SLC6A11: variants seen among roughly 807,000 people sequenced by gnomAD.
The protein encoded by SLC6A11 is sodium- and chloride-dependent GABA transporter 3.
A neutral mutation model predicts 74.8 loss-of-function variants in SLC6A11; 25 were observed. The ratio of observed to expected loss-of-function variants is 0.33; its 90% CI spans 0.24 to 0.47. The LOEUF is 0.47. Ranked by LOEUF, SLC6A11 falls within the 20% of genes least tolerant of loss-of-function variation. The pLI, the probability that SLC6A11 is intolerant of heterozygous loss-of-function variation, is 1.00. For missense variants in SLC6A11, 574 were observed against 837.0 expected, an observed-to-expected ratio of 0.69 and a Z score of 3.88; for synonymous variants, 330 against 330.2, an observed-to-expected ratio of 1.00 and a Z score of 0.01.
chr3:10,818,248 G>GTGT (rs77854334), intron 1 of SLC6A11, among the ~76,000 whole-genome samples: 10,610 of 152,074 alleles, frequency 0.07, 467 homozygotes, highest in African/African-American at 0.12. Flanking sequence ...CTTTCTGAAA[G>GTGT]TGTCATACGT....
At chr3:10,900,067 G>T (rs867026637) in intron 6 of SLC6A11, among the ~76,000 whole-genome samples, 9 of 151,896 alleles carry the variant, frequency 5.9e-5, no homozygotes, top group African/African-American at 1.9e-4. Context: ...GGGCAGAAAT[G>T]GGGGTTGGAT....
chr3:10,885,601 A>C (rs1298651228), intron 6 of SLC6A11, among the ~76,000 whole-genome samples: 3 of 138,310 alleles, frequency 2.2e-5, no homozygotes, highest in African/African-American at 9.6e-5. Context: ...CCATGATAAA[A>C]AAAAAAAAAA....
Position 10,915,945 on chromosome 3 carries a change from C to T in SLC6A11, c.996-2384C>T, listed in dbSNP as rs1227032130. On this transcript the variant is annotated intron_variant, in intron 7 of 13. Coordinates refer to ENST00000254488, the MANE Select transcript of SLC6A11 (RefSeq NM_014229.3). This position sits in a 1 kb window ranked among gnomAD's most constrained non-coding sequence, Gnocchi z 4.3. Reference sequence around the variant, plus strand: ...ATTTTTGTTTAGCTCCTAGCAAAAGCATGGGCTTTGATCTATGTGACTCAT... The same window carrying T: ...ATTTTTGTTTAGCTCCTAGCAAAAGTATGGGCTTTGATCTATGTGACTCAT... Among the ~76,000 whole-genome samples, 2 of 152,196 alleles carry T rather than the reference C, an allele frequency of 1.3e-5. No individual in the cohort carries two copies. The highest frequency in any genetic ancestry group is 6.5e-5 in the Admixed American group (1 of 15,272).
At chr3:10,910,817 GA>G (rs1174118744) in intron 6 of SLC6A11, among the ~76,000 whole-genome samples, 3 of 119,986 alleles carry the variant, frequency 2.5e-5, no homozygotes, top group African/African-American at 9.4e-5. Context: ...GGGTTGCTGT[GA>G]ATTTTTTTTT....
At chr3:10,900,026 A>G (rs2106619860) in intron 6 of SLC6A11, among the ~76,000 whole-genome samples, 1 of 152,336 alleles carries the variant, frequency 6.6e-6, no homozygotes, top group Non-Finnish European at 1.5e-5. Flanking sequence ...AAGGCAGAAG[A>G]GTGCTGTGAT....
intron 5 of SLC6A11, among the ~76,000 whole-genome samples, chr3:10,863,598 A>AC (rs559291233): frequency 6.6e-6 from 1 of 152,178 alleles, no homozygotes; most frequent in Non-Finnish European, 1.5e-5. Flanking sequence ...GCAGGCTGTG[A>AC]CAGGAGTGTT....
Position 10,873,384 on chromosome 3 carries a change from T to TTTATCCTATCCTATCCTATC in SLC6A11, c.757-1577_757-1576insTTATCCTATCCTATCCTATC, listed in dbSNP as rs1553671098. On this transcript the variant is annotated intron_variant, in intron 5 of 13. Coordinates refer to ENST00000254488, the MANE Select transcript of SLC6A11 (RefSeq NM_014229.3). ...CCTCCCCTATGCTCACCTTCATTATTGTATCCTATCCTATGCTATCCTATC... is the reference window on the plus strand; with the variant it reads ...CCTCCCCTATGCTCACCTTCATTATTTTATCCTATCCTATCCTATCGTATCCTATCCTATGCTATCCTATC... Among the ~76,000 whole-genome samples, 29 of 90,614 alleles carry TTTATCCTATCCTATCCTATC rather than the reference T, an allele frequency of 3.2e-4. 4 individuals carry two copies. Among genetic ancestry groups the TTTATCCTATCCTATCCTATC allele is most frequent in the South Asian group, 2.7e-3 (7 of 2,548 alleles). 59.4% of individuals were successfully genotyped at this position (90,614 alleles called of 152,430 possible). A position where few individuals can be genotyped will look rare whatever the true frequency, so the allele number is the denominator to read the frequency against.
At chr3:10,844,423 G>T in intron 5 of SLC6A11, 77 bp downstream of exon 5, 1 of 1,574,428 alleles carries the variant, frequency 6.4e-7, no homozygotes, top group African/African-American at 1.3e-5. Flanking sequence ...GAGTAACAGG[G>T]AGTTCATGTT....
At chr3:10,870,354 T>C (rs1157485588) in intron 5 of SLC6A11, among the ~76,000 whole-genome samples, 1 of 152,210 alleles carries the variant, frequency 6.6e-6, no homozygotes, top group Non-Finnish European at 1.5e-5. Flanking sequence ...AAATGAAACA[T>C]GGACTAGACC....
In SLC6A11 at chr3:10,862,774, C is replaced by A. The variant is rs191814844; in HGVS notation, c.757-12187C>A. Among the ~76,000 whole-genome samples, 649 of 152,330 alleles carry A rather than the reference C, an allele frequency of 4.3e-3. 7 individuals carry two copies. Among genetic ancestry groups the A allele is most frequent in the South Asian group, 8.5e-3 (41 of 4,820 alleles). Reference sequence around the variant, plus strand: ...AGCTGCTCACACCACTGTGCATATGCCTGAGGCCCTCTGCTGCCATCCTGT... The same window carrying A: ...AGCTGCTCACACCACTGTGCATATGACTGAGGCCCTCTGCTGCCATCCTGT... On this transcript the variant is annotated intron_variant, in intron 5 of 13. Transcript: ENST00000254488.
At chr3:10,850,549 T>A (rs1575675719) in intron 5 of SLC6A11, among the ~76,000 whole-genome samples, 1 of 123,048 alleles carries the variant, frequency 8.1e-6, no homozygotes. Flanking sequence ...GCAGGTAACC[T>A]CCTCAGAGAG....
rs764260153 is a variant in SLC6A11 at position 10,816,566 on chromosome 3, G to C, written c.256+45G>C. ...AAGGGGAGGGGGCGCCAACCGCCCG[G>C]TGGGGGCGGGGAGCCAGGGGCGAGC... On this transcript the variant is annotated intron_variant, in intron 1 of 13. Transcript: ENST00000254488. The surrounding 1 kb of genome is among the most constrained non-coding windows in gnomAD (Gnocchi z 4.2). 2.6e-6 allele frequency: 4 copies of C among 1,513,798 alleles called. No individual in the cohort carries two copies. Among genetic ancestry groups the C allele is most frequent in the Non-Finnish European group, 3.5e-6 (4 of 1,127,986 alleles). 93.8% of individuals were successfully genotyped at this position (1,513,798 alleles called of 1,614,324 possible).
intron 4 of SLC6A11, among the ~76,000 whole-genome samples, chr3:10,831,468 A>G (rs966201263): frequency 6.6e-6 from 1 of 152,216 alleles, no homozygotes; most frequent in African/African-American, 2.4e-5. Context: ...GCTAACAGTA[A>G]GTGAAAAAGG....
chr3:10,886,822 A>T (rs1043307920), intron 6 of SLC6A11, among the ~76,000 whole-genome samples: 1 of 152,072 alleles, frequency 6.6e-6, no homozygotes, highest in African/African-American at 2.4e-5. Flanking sequence ...AAAAAAAAAA[A>T]AAATCTCTCC....
In SLC6A11 at chr3:10,926,043, C is replaced by T; in HGVS notation, c.1160C>T (p.Thr387Ile). ...LAFIAYPKAVTMMPLSPLWAT... is the reference protein window; with the variant it reads ...LAFIAYPKAVIMMPLSPLWAT... ...TTTATTGCGTACCCCAAGGCGGTCA[C>T]CATGATGCCTCTCTCCCCGCTGTGG... Residue 387 changes from threonine to isoleucine, a missense_variant, in exon 9 of 14, where the codon ACC (threonine) becomes ATC (isoleucine). Around this residue, in one of 4 missense-constraint regions of SLC6A11, gnomAD observed 257 missense variants for 341.5 expected, o/e 0.75. Transcript: ENST00000254488. The surrounding 1 kb of genome is among the most constrained non-coding windows in gnomAD (Gnocchi z 5.7). The T allele has an allele frequency of 6.2e-7, 1 of 1,613,698 alleles. No individual in the cohort carries two copies. Among genetic ancestry groups the T allele is most frequent in the East Asian group, 2.2e-5 (1 of 44,860 alleles).
chr3:10,925,063 G>A (rs1208230053), intron 8 of SLC6A11, among the ~76,000 whole-genome samples: 4 of 152,222 alleles, frequency 2.6e-5, no homozygotes, highest in Non-Finnish European at 4.4e-5. Flanking sequence ...GAACGGAGGC[G>A]AAGAGACAGC....
At chr3:10,932,095 T>C (rs1238854871) in intron 10 of SLC6A11, among the ~76,000 whole-genome samples, 1 of 152,142 alleles carries the variant, frequency 6.6e-6, no homozygotes, top group Non-Finnish European at 1.5e-5. Context: ...AGGACCCTCA[T>C]TGTATTGTAA....
At position 10,839,105 on chromosome 3, in the gene SLC6A11, T is replaced by C. The variant is rs115607646; in HGVS notation, c.624-5109T>C. ...CCACCATCGTAAGGGCCTTCACTTC[T>C]TTTCCTCCTCTCTTATCCCCCATTC... On this transcript the variant is annotated intron_variant, in intron 4 of 13. Transcript: ENST00000254488. Among the ~76,000 whole-genome samples the C allele has an allele frequency of 3.0e-3, 450 of 152,292 alleles. 3 individuals carry two copies. The highest frequency in any genetic ancestry group is 0.01 in the African/African-American group (420 of 41,552).
chr3:10,878,616 T>C (rs191568512), intron 6 of SLC6A11, among the ~76,000 whole-genome samples: 127 of 151,644 alleles, frequency 8.4e-4, no homozygotes, highest in African/African-American at 3.0e-3. Context: ...GGTTTTGCCA[T>C]GTTGGCCAGG....
Sources: allele counts gnomAD v4.1 joint callset (sites outside exome capture counted in the v4.1 genomes callset), GRCh38; gene constraint gnomAD v4.1.1; regional missense constraint gnomAD v4.1.1; non-coding constraint Gnocchi (gnomAD v3.1); transcripts MANE v1.5; gene names NCBI Gene and HGNC (gene_info 2026-07-23, HGNC 2026-07-21).